RPA3: variants seen among roughly 807,000 people sequenced by gnomAD.
RPA3 encodes the protein replication protein A 14 kDa subunit.
A neutral mutation model predicts 13.7 loss-of-function variants in RPA3; 24 were observed. That is an observed-to-expected ratio of 1.75 (90% confidence interval 1.27 to 2.46). The LOEUF (loss-of-function observed/expected upper bound fraction) is 2.46, where lower values mean the gene tolerates loss of function less well. RPA3 is among the 30% of genes most tolerant of loss of function. RPA3 has a pLI of 0.00. For synonymous variants in RPA3, 59 were observed against 51.2 expected, an observed-to-expected ratio of 1.15 and a Z score of -0.65; for missense variants, 183 against 151.0, an observed-to-expected ratio of 1.21 and a Z score of -1.11.
intron 4 of RPA3, among the ~76,000 whole-genome samples, chr7:7,649,509 T>C (rs1169538565): frequency 6.6e-6 from 1 of 152,214 alleles, no homozygotes; most frequent in Non-Finnish European, 1.5e-5. Flanking sequence ...TTGGGGAACA[T>C]ATTCAAACCA....
intron 4 of RPA3, among the ~76,000 whole-genome samples, chr7:7,647,162 A>G (rs1307539775): frequency 6.6e-6 from 1 of 152,214 alleles, no homozygotes; most frequent in Non-Finnish European, 1.5e-5. Flanking sequence ...CTAGAGCTTT[A>G]GACATTTCCC....
chr7:7,652,295 A>T (rs1479651104), intron 4 of RPA3, among the ~76,000 whole-genome samples: 1 of 152,176 alleles, frequency 6.6e-6, no homozygotes, highest in Non-Finnish European at 1.5e-5. Flanking sequence ...TTCTTGGTCA[A>T]TACCCATTGA....
chr7:7,639,888 A>C (rs942959958), intron 5 of RPA3: 2 of 203,518 alleles, frequency 9.8e-6, no homozygotes, highest in Non-Finnish European at 2.0e-5. Flanking sequence ...AAAGCGGACA[A>C]CCAAGGCATG....
chr7:7,655,156 A>C (rs1428870053), intron 4 of RPA3, among the ~76,000 whole-genome samples: 1 of 152,040 alleles, frequency 6.6e-6, no homozygotes, highest in African/African-American at 2.4e-5. Context: ...GGCAGTTGAG[A>C]TTATCAAATG....
chr7:7,713,360 A>AAAAC (rs200517572), intron 2 of RPA3, among the ~76,000 whole-genome samples: 75 of 152,020 alleles, frequency 4.9e-4, no homozygotes, highest in African/African-American at 1.7e-3. Context: ...AAACAAAACA[A>AAAAC]AAACAAACAA....
chr7:7,646,480 A>ATTTTTTTTTTTTTTTTTTTTT (rs35948027), intron 4 of RPA3, among the ~76,000 whole-genome samples: 1 of 111,360 alleles, frequency 9.0e-6, no homozygotes, highest in Non-Finnish European at 1.8e-5. Context: ...CTTTCGCTGG[A>ATTTTTTTTTTTTTTTTTTTTT]TTTTTTTTTT....
intron 4 of RPA3, among the ~76,000 whole-genome samples, chr7:7,674,824 G>A (rs1779699422): frequency 6.6e-6 from 1 of 151,948 alleles, no homozygotes; most frequent in Non-Finnish European, 1.5e-5. Flanking sequence ...AAAACTTCAG[G>A]GGTACATCAG....
At chr7:7,687,189 G>T (rs1780059678) in intron 3 of RPA3, 39 bp downstream of exon 3, 1 of 152,156 alleles carries the variant, frequency 6.6e-6, no homozygotes, top group South Asian at 2.1e-4. Flanking sequence ...TTTAAGTTCT[G>T]TCATTTACTT....
At chr7:7,663,910 T>C (rs1167924541) in intron 4 of RPA3, among the ~76,000 whole-genome samples, 1 of 152,180 alleles carries the variant, frequency 6.6e-6, no homozygotes, top group Non-Finnish European at 1.5e-5. Flanking sequence ...ATAACCTGAA[T>C]GGGTGAGCTA....
At chr7:7,682,001 A>T (rs1779924932) in intron 4 of RPA3, among the ~76,000 whole-genome samples, 2 of 152,294 alleles carry the variant, frequency 1.3e-5, no homozygotes, top group South Asian at 4.1e-4. Context: ...CAATTTAGAT[A>T]TTGTTGTTGG....
At chr7:7,700,874 G>A (rs1780444022) in intron 2 of RPA3, among the ~76,000 whole-genome samples, 1 of 151,748 alleles carries the variant, frequency 6.6e-6, no homozygotes, top group Non-Finnish European at 1.5e-5. Context: ...GGTAACAAGA[G>A]CGAGACTCCA....
At chr7:7,700,682 G>T (rs1780438779) in intron 2 of RPA3, among the ~76,000 whole-genome samples, 1 of 152,218 alleles carries the variant, frequency 6.6e-6, no homozygotes, top group African/African-American at 2.4e-5. Context: ...AAGGTCAGGA[G>T]TTCAAGACCA....
rs144198811 is a variant in RPA3 at position 7,652,115 on chromosome 7, G to T, written c.-757-10940C>A. Among the ~76,000 whole-genome samples the T allele has an allele frequency of 1.4e-3, 215 of 152,280 alleles. 2 individuals are homozygous for T. Among genetic ancestry groups the T allele is most frequent in the African/African-American group, 4.8e-3 (199 of 41,570 alleles). On this transcript the variant is annotated intron_variant, in intron 4 of 7. Transcript: ENST00000223129. ...GCAGTCTTTTTTTCTGGTAGATATAGCTCTTGTATTTTATAATTAAGCTCA... is the reference window on the plus strand; with the variant it reads ...GCAGTCTTTTTTTCTGGTAGATATATCTCTTGTATTTTATAATTAAGCTCA...
At chr7:7,679,711 A>AATAT (rs372324513) in intron 4 of RPA3, among the ~76,000 whole-genome samples, 2 of 128,432 alleles carry the variant, frequency 1.6e-5, no homozygotes, top group African/African-American at 3.2e-5. Flanking sequence ...TTTATAGATA[A>AATAT]ATATATATAT....
chr7:7,661,419 C>T lies in RPA3; in HGVS notation c.-757-20244G>A, dbSNP rs553257238. On this transcript the variant is annotated intron_variant, in intron 4 of 7. Transcript: ENST00000223129. ...GTTTTTGGAATTTTCCGCCTTTTTG[C>T]GCTGGTTTGTCCCTATCTTTGTGGA... Among the ~76,000 whole-genome samples the T allele has an allele frequency of 8.5e-5, 13 of 152,216 alleles. 1 individual carries two copies. Among genetic ancestry groups the T allele is most frequent in the African/African-American group, 2.4e-4 (10 of 41,534 alleles).
intron 4 of RPA3, among the ~76,000 whole-genome samples, chr7:7,656,167 C>A (rs780587622): frequency 6.6e-6 from 1 of 152,094 alleles, no homozygotes; most frequent in Non-Finnish European, 1.5e-5. Context: ...AGGTTACCGC[C>A]ACTACTTTTA....
At chr7:7,692,925 T>C (rs997003779) in intron 2 of RPA3, among the ~76,000 whole-genome samples, 1 of 152,180 alleles carries the variant, frequency 6.6e-6, no homozygotes, top group African/African-American at 2.4e-5. Flanking sequence ...GCTTTTAAAA[T>C]GGTATATTTC....
At chr7:7,669,870 C>T (rs1380842078) in intron 4 of RPA3, among the ~76,000 whole-genome samples, 1 of 152,144 alleles carries the variant, frequency 6.6e-6, no homozygotes, top group Non-Finnish European at 1.5e-5. Flanking sequence ...TTATTCCTGA[C>T]CTGTTTTTTT....
rs1382100904 is a variant in RPA3, at chr7:7,637,932, C to A, written c.215G>T (p.Arg72Ile). Residue 72 changes from arginine (R) to isoleucine (I), a missense_variant, in exon 7 of 8, where the codon AGA (arginine) becomes ATA (isoleucine). By Grantham distance (97) the Arg-to-Ile change is moderately conservative. Coordinates refer to ENST00000223129, the MANE Select transcript of RPA3 (RefSeq NM_002947.5). Reference protein sequence around the residue: ...EISGIVEVVGRVTAKATILCT... With the variant: ...EISGIVEVVGIVTAKATILCT... ...CAAGATGGTGGCCTTGGCGGTTACTCTTCCAACCACTTCCACAATTCCAGA... is the reference window on the plus strand; with the variant it reads ...CAAGATGGTGGCCTTGGCGGTTACTATTCCAACCACTTCCACAATTCCAGA... The A allele has an allele frequency of 1.9e-6, 3 of 1,613,652 alleles. No individual in the cohort carries two copies. The highest frequency in any genetic ancestry group is 2.5e-6 in the Non-Finnish European group (3 of 1,179,740).
Sources: allele counts gnomAD v4.1 joint callset (sites outside exome capture counted in the v4.1 genomes callset), GRCh38; gene constraint gnomAD v4.1.1; transcripts MANE v1.5; gene names NCBI Gene and HGNC (gene_info 2026-07-23, HGNC 2026-07-21).